KANK2: variants seen among roughly 807,000 people sequenced by gnomAD.
KANK2 encodes the protein KN motif and ankyrin repeat domain-containing protein 2.
KANK2 carries 41 observed loss-of-function variants against 74.6 expected under a neutral mutation model. The observed-to-expected ratio is 0.55, with a 90% CI of 0.43 to 0.71. The LOEUF is 0.71. Ranked by LOEUF, KANK2 falls within the 30% of genes least tolerant of loss-of-function variation. The pLI, the probability that KANK2 is intolerant of heterozygous loss-of-function variation, is 0.00. For synonymous variants in KANK2, 537 were observed against 519.0 expected, an observed-to-expected ratio of 1.03 and a Z score of -0.47; for missense variants, 1,148 against 1,196.4, an observed-to-expected ratio of 0.96 and a Z score of 0.60.
At chr19:11,183,285 C>T (rs1340293431) in intron 4 of KANK2, among the ~76,000 whole-genome samples, 1 of 152,116 alleles carries the variant, frequency 6.6e-6, no homozygotes, top group Non-Finnish European at 1.5e-5. Context: ...AGGGGGTTTC[C>T]CCAAGCCAGT....
chr19:11,194,010 G>T lies in KANK2; in HGVS notation c.70C>A (p.Pro24Thr). 2.5e-6 allele frequency: 4 copies of T among 1,611,816 alleles called. No homozygotes were observed. The highest frequency in any genetic ancestry group is 3.4e-6 in the Non-Finnish European group (4 of 1,178,494). Residue 24 changes from proline to threonine, a missense_variant, in exon 4 of 13, where the codon CCT becomes ACT. Coordinates refer to ENST00000586659, the MANE Select transcript of KANK2 (RefSeq NM_001136191.3). ...TAGGGTGGATCGGGGTCCTTGGCAGGGAAGGCAGGTGGGGAGGCTGGGCCA... is the reference window on the plus strand; with the variant it reads ...TAGGGTGGATCGGGGTCCTTGGCAGTGAAGGCAGGTGGGGAGGCTGGGCCA... ...TPGPASPPAF[P>T]AKDPDPPYSV...
Position 11,174,518 on chromosome 19 carries a change from C to G in KANK2, c.2023G>C (p.Val675Leu). 1 of 1,613,466 alleles carries G rather than the reference C, an allele frequency of 6.2e-7. No homozygotes were observed. The highest frequency in any genetic ancestry group is 8.5e-7 in the Non-Finnish European group (1 of 1,179,768). ...SNGNTALHYSVSHANFPVVQQ... is the reference protein window; with the variant it reads ...SNGNTALHYSLSHANFPVVQQ... ...ACCACGGGGAAGTTGGCATGAGACA[C>G]GGAGTAGTGCAGGGCTGTGTTGCCG... Residue 675 changes from valine (V) to leucine (L), a missense_variant, in exon 9 of 13, where the codon GTG (valine) becomes CTG (leucine). By Grantham distance (32) the Val-to-Leu change is conservative. Transcript: ENST00000586659.
At chr19:11,190,111 T>G (rs1160671324) in intron 4 of KANK2, among the ~76,000 whole-genome samples, 1 of 149,948 alleles carries the variant, frequency 6.7e-6, no homozygotes, top group Non-Finnish European at 1.5e-5. Flanking sequence ...AGATTCAAGC[T>G]GTCCTGGTTA....
chr19:11,183,111 C>T (rs927015305), intron 4 of KANK2, among the ~76,000 whole-genome samples: 1 of 152,178 alleles, frequency 6.6e-6, no homozygotes, highest in African/African-American at 2.4e-5. Flanking sequence ...TAAGCTAAGA[C>T]AATTCTACAA....
At position 11,176,829 on chromosome 19, in the gene KANK2, C is replaced by G. The variant is rs377011452; in HGVS notation, c.1521-12G>C. ...ATGACGACTCATACCTGGGGAGGAA[C>G]GAGCGGGGAGGGGGAGATGCTGCAG... On this transcript the variant is annotated splice_polypyrimidine_tract_variant and intron_variant, in intron 6 of 12. Coordinates refer to ENST00000586659, the MANE Select transcript of KANK2 (RefSeq NM_001136191.3). 13 of 1,493,248 alleles carry G rather than the reference C, an allele frequency of 8.7e-6. No individual in the cohort carries two copies. The highest frequency in any genetic ancestry group is 1.2e-5 in the Non-Finnish European group (13 of 1,119,324). The allele number at this position is 1,493,248 out of a possible 1,614,324, so 92.5% of individuals were successfully genotyped here.
At chr19:11,187,341 T>G (rs2078705569) in intron 4 of KANK2, among the ~76,000 whole-genome samples, 2 of 132,586 alleles carry the variant, frequency 1.5e-5, no homozygotes, top group Admixed American at 7.9e-5. Context: ...AAAAATAGTG[T>G]AAGGAGAGGA....
At chr19:11,195,992 G>A (rs1237231134) in intron 1 of KANK2, 172 bp from the exon 2 acceptor site, 1 of 152,230 alleles carries the variant, frequency 6.6e-6, no homozygotes, top group Non-Finnish European at 1.5e-5. Flanking sequence ...GGGGTGGGCT[G>A]GGGGTGGGGG....
chr19:11,183,541 C>T (rs1382561976), intron 4 of KANK2, among the ~76,000 whole-genome samples: 2 of 152,158 alleles, frequency 1.3e-5, no homozygotes, highest in Non-Finnish European at 2.9e-5. Flanking sequence ...CAGGCTGGAG[C>T]GCAGTGGCGT....
chr19:11,186,889 C>T (rs960112805), intron 4 of KANK2, among the ~76,000 whole-genome samples: 3 of 151,972 alleles, frequency 2.0e-5, no homozygotes, highest in Non-Finnish European at 2.9e-5. Context: ...CAGAAGGGGT[C>T]GTGTGAAGAT....
rs2078023114 is a variant in KANK2 at position 11,166,405 on chromosome 19, C to T, written c.*153G>A. 8.8e-6 allele frequency: 6 copies of T among 678,922 alleles called. No individual in the cohort carries two copies. Among genetic ancestry groups the T allele is most frequent in the Admixed American group, 8.1e-5 (3 of 36,900 alleles). The allele number at this position is 678,922 out of a possible 1,614,324, so 42.1% of individuals were successfully genotyped here. On this transcript the variant is annotated 3_prime_UTR_variant, in exon 13 of 13. Coordinates refer to ENST00000586659, the MANE Select transcript of KANK2 (RefSeq NM_001136191.3). ...CTGGAGTCCTGTGGCCGTCGGGGCT[C>T]CCCCAGGGAAGCAGAGGGAGAGCTC...
At chr19:11,188,059 C>CCTTAAT (rs2078726396) in intron 4 of KANK2, among the ~76,000 whole-genome samples, 1 of 151,952 alleles carries the variant, frequency 6.6e-6, no homozygotes, top group African/African-American at 2.4e-5. Flanking sequence ...ATTTACTGAC[C>CCTTAAT]CTTAGCATTG....
intron 12 of KANK2, among the ~76,000 whole-genome samples, chr19:11,168,694 C>T (rs1200306403): frequency 6.6e-6 from 1 of 152,066 alleles, no homozygotes; most frequent in African/African-American, 2.4e-5. Context: ...AGCAGGCGCT[C>T]AATAAATATT....
rs200616193 is a variant in KANK2, at chr19:11,176,806, G to A, written c.1532C>T (p.Ser511Leu). ...CTCTGCTGTGCTGGAGTCCTCGGAT[G>A]ACGACTCATACCTGGGGAGGAACGA... The part of the protein sequence containing the change: ...FVGVNGGYES[S>L]SEDSSTAENI... Residue 511 changes from serine (S) to leucine (L), a missense_variant, in exon 7 of 13, where the codon TCA becomes TTA. Ser to Leu is a moderately radical substitution (Grantham distance 145). Coordinates refer to ENST00000586659, the MANE Select transcript of KANK2 (RefSeq NM_001136191.3). 5.2e-6 allele frequency: 8 copies of A among 1,526,412 alleles called. No homozygotes were observed. The East Asian group carries it at 1.9e-4, about 36-fold the overall frequency. The allele number at this position is 1,526,412 out of a possible 1,614,324, so 94.6% of individuals were successfully genotyped here.
rs1212056652 is a variant in KANK2 at position 11,193,370 on chromosome 19, C to T, written c.710G>A (p.Gly237Asp). The T allele has an allele frequency of 6.2e-6, 10 of 1,612,824 alleles. No individual in the cohort carries two copies. The highest frequency in any genetic ancestry group is 2.7e-5 in the African/African-American group (2 of 74,918). ...TVQLKSQKFL[G>D]HPTAGRGRSE... ...GCGACCCCGGCCCGCTGTGGGGTGG[C>T]CCAGGAACTTCTGGCTCTTAAGTTG... Residue 237 changes from glycine (G) to aspartate (D), a missense_variant, in exon 4 of 13, where the codon GGC (glycine) becomes GAC (aspartate). Coordinates refer to ENST00000586659, the MANE Select transcript of KANK2 (RefSeq NM_001136191.3). The surrounding 1 kb of genome is among the most constrained non-coding windows in gnomAD (Gnocchi z 9.6).
intron 4 of KANK2, among the ~76,000 whole-genome samples, chr19:11,185,946 A>C (rs1483202462): frequency 6.6e-6 from 1 of 152,144 alleles, no homozygotes; most frequent in East Asian, 1.9e-4. Flanking sequence ...TGGAGGGATC[A>C]CTTGAGCCCG....
intron 4 of KANK2, among the ~76,000 whole-genome samples, chr19:11,188,517 T>TC (rs1424542383): frequency 7.0e-6 from 1 of 143,312 alleles, no homozygotes; most frequent in East Asian, 2.0e-4. Context: ...TGTAAATTCT[T>TC]TTTTTTTTTT....
Position 11,193,960 on chromosome 19 carries a change from G to A in KANK2, c.120C>T (p.Tyr40=). Residue 40 remains tyrosine (Y), a synonymous_variant, in exon 4 of 13, where the codon TAC becomes TAT. Transcript: ENST00000586659. The surrounding 1 kb of genome is among the most constrained non-coding windows in gnomAD (Gnocchi z 9.6). ...ACTTGAGGAAGTCCAGGTCCAGGCG[G>A]TAGCCATAGGGGGTCTCCACGGAGT... ...PPYSVETPYG[Y]RLDLDFLKYV... is the part of the protein sequence containing the mutation. 10 of 1,613,848 alleles carry A rather than the reference G, an allele frequency of 6.2e-6. No homozygotes were observed. Among genetic ancestry groups the A allele is most frequent in the Non-Finnish European group, 8.5e-6 (10 of 1,179,976 alleles).
At chr19:11,183,462 G>C (rs115532684) in intron 4 of KANK2, among the ~76,000 whole-genome samples, 147 of 152,142 alleles carry the variant, frequency 9.7e-4, no homozygotes, top group African/African-American at 3.4e-3. Context: ...CAGACTATCA[G>C]GGACTCAGGA....
chr19:11,171,705 G>A (rs1023059404), intron 10 of KANK2, among the ~76,000 whole-genome samples: 11 of 149,910 alleles, frequency 7.3e-5, no homozygotes, highest in African/African-American at 2.7e-4. Context: ...TTGAGATGGA[G>A]TCTCACTCTG....
Sources: allele counts gnomAD v4.1 joint callset (sites outside exome capture counted in the v4.1 genomes callset), GRCh38; gene constraint gnomAD v4.1.1; non-coding constraint Gnocchi (gnomAD v3.1); transcripts MANE v1.5; gene names NCBI Gene and HGNC (gene_info 2026-07-23, HGNC 2026-07-21).